Variants in NXPH1 observed in about 807,000 individuals in gnomAD.
NXPH1 encodes neurexophilin 1.
NXPH1 carries 5 observed loss-of-function variants against 23.7 expected under a neutral mutation model. The ratio of observed to expected loss-of-function variants is 0.21; its 90% confidence interval spans 0.11 to 0.44. NXPH1 has a LOEUF of 0.44. NXPH1 is among the 20% of genes least tolerant of loss of function. NXPH1 has a pLI of 0.99. For synonymous variants in NXPH1, 144 were observed against 122.2 expected, an observed-to-expected ratio of 1.18 and a Z score of -1.18; for missense variants, 324 against 321.6, an observed-to-expected ratio of 1.01 and a Z score of -0.06.
rs544184344 is a variant in NXPH1 at position 8,614,243 on chromosome 7, G to A, written c.55-136765G>A. 2.3e-3 allele frequency among the ~76,000 whole-genome samples: 343 copies of A among 151,862 alleles called. 1 individual carries two copies. The highest frequency in any genetic ancestry group is 4.3e-3 in the Non-Finnish European group (293 of 67,810). On this transcript the variant is annotated intron_variant, in intron 2 of 2. Transcript: ENST00000405863. ...AAAATATAATGGAATAGCTATACTT[G>A]TAGTTAAAACTGTTTTCTTATACGG... is the stretch of plus-strand genomic sequence containing the variant.
In NXPH1 at chr7:8,483,338, C is replaced by CT. The variant is rs1301688839; in HGVS notation, c.54+47579dup. The stretch of plus-strand genomic sequence containing the variant: ...CAAAACTAAAATTTTATTTTATTTT[C>CT]TTTTTTTTAAAAGACAGGGTATTGT... On this transcript the variant is annotated intron_variant, in intron 2 of 2. Transcript: ENST00000405863. Among the ~76,000 whole-genome samples the CT allele has an allele frequency of 2.6e-3, 401 of 151,698 alleles. 2 individuals are homozygous for CT. The highest frequency in any genetic ancestry group is 8.3e-3 in the African/African-American group (343 of 41,326).
In NXPH1 at chr7:8,626,862, G is replaced by A. The variant is rs942832726; in HGVS notation, c.55-124146G>A. Among the ~76,000 whole-genome samples the A allele has an allele frequency of 2.0e-5, 3 of 151,966 alleles. No homozygotes were observed. The East Asian group carries it at 5.8e-4, about 29-fold the overall frequency. On this transcript the variant is annotated intron_variant, in intron 2 of 2. Coordinates refer to ENST00000405863, the MANE Select transcript of NXPH1 (RefSeq NM_152745.3). ...TTGGGACACTTTTTCTGGGCACTCT[G>A]CCTACTTACCTTCTATTCTTCCTAT...
intron 2 of NXPH1, among the ~76,000 whole-genome samples, chr7:8,697,014 TG>T (rs1779537463): frequency 6.7e-6 from 1 of 150,288 alleles, no homozygotes; most frequent in Non-Finnish European, 1.5e-5. Context: ...AAAAATTAGC[TG>T]GGTGTGGTGG....
intron 2 of NXPH1, among the ~76,000 whole-genome samples, chr7:8,741,769 T>G (rs543619230): frequency 3.9e-4 from 60 of 152,164 alleles, no homozygotes; most frequent in African/African-American, 1.4e-3. Flanking sequence ...GTGCCATGTG[T>G]CCCCCTAAAA....
At chr7:8,713,783 C>T (rs1273435425) in intron 2 of NXPH1, among the ~76,000 whole-genome samples, 3 of 152,160 alleles carry the variant, frequency 2.0e-5, no homozygotes, top group Non-Finnish European at 2.9e-5. Context: ...GGCAGAGATT[C>T]GTGTTCTCTT....
intron 2 of NXPH1, among the ~76,000 whole-genome samples, chr7:8,723,564 G>C (rs1004623639): frequency 2.0e-5 from 3 of 152,144 alleles, no homozygotes; most frequent in African/African-American, 7.2e-5. Flanking sequence ...GCCTGTAGCA[G>C]TCACTTGTAT....
chr7:8,634,043 C>T (rs1372541882), intron 2 of NXPH1, among the ~76,000 whole-genome samples: 2 of 152,064 alleles, frequency 1.3e-5, no homozygotes, highest in Non-Finnish European at 2.9e-5. Flanking sequence ...AAAGTTGAGT[C>T]TGATGTGAGG....
intron 2 of NXPH1, among the ~76,000 whole-genome samples, chr7:8,496,892 AAGTTCT>A (rs1161415230): frequency 2.6e-5 from 4 of 152,122 alleles, no homozygotes; most frequent in African/African-American, 9.7e-5. Flanking sequence ...ATTATACTTT[AAGTTCT>A]AGGGTACATG....
At chr7:8,455,841 A>G (rs1816584949) in intron 2 of NXPH1, among the ~76,000 whole-genome samples, 1 of 152,238 alleles carries the variant, frequency 6.6e-6, no homozygotes, top group African/African-American at 2.4e-5. Context: ...TGGCATACTT[A>G]TAATTTGTTC....
chr7:8,722,428 A>G (rs1001722980), intron 2 of NXPH1, among the ~76,000 whole-genome samples: 13 of 152,142 alleles, frequency 8.5e-5, no homozygotes, highest in African/African-American at 2.2e-4. Context: ...TCTCATTTCA[A>G]TTCTCTCCTT....
intron 2 of NXPH1, among the ~76,000 whole-genome samples, chr7:8,457,623 G>C (rs1209255201): frequency 5.3e-5 from 8 of 149,858 alleles, no homozygotes; most frequent in Admixed American, 5.3e-4. Context: ...TGGTCCATTT[G>C]GTCTCATATA....
chr7:8,654,472 T>C (rs904908081), intron 2 of NXPH1, among the ~76,000 whole-genome samples: 6 of 152,166 alleles, frequency 3.9e-5, no homozygotes, highest in Non-Finnish European at 8.8e-5. Flanking sequence ...GAATATATAA[T>C]AAAAGTGCAT....
In NXPH1 at chr7:8,435,698, T is replaced by G; in HGVS notation, c.-16T>G. 1 of 1,613,654 alleles carries G rather than the reference T, an allele frequency of 6.2e-7. No individual in the cohort carries two copies. The highest frequency in any genetic ancestry group is 1.1e-5 in the South Asian group (1 of 91,060). ...CTCAAAGAAGGCACCGCCAAGGAAG[T>G]TTGAGACGCGGGAGAATGCAGGCTG... On this transcript the variant is annotated 5_prime_UTR_variant, in exon 2 of 3. Coordinates refer to ENST00000405863, the MANE Select transcript of NXPH1 (RefSeq NM_152745.3). This position sits in a 1 kb window ranked among gnomAD's most constrained non-coding sequence, Gnocchi z 5.9.
At chr7:8,484,921 G>A (rs1222803690) in intron 2 of NXPH1, among the ~76,000 whole-genome samples, 1 of 152,160 alleles carries the variant, frequency 6.6e-6, no homozygotes, top group Non-Finnish European at 1.5e-5. Context: ...AAATATACAA[G>A]TGAGGTAATT....
intron 2 of NXPH1, among the ~76,000 whole-genome samples, chr7:8,472,881 A>G (rs1050891484): frequency 6.6e-6 from 1 of 152,186 alleles, no homozygotes; most frequent in African/African-American, 2.4e-5. Flanking sequence ...TGGCATTCCT[A>G]CAGGCTTCTA....
intron 2 of NXPH1, among the ~76,000 whole-genome samples, chr7:8,651,199 C>T (rs1304717444): frequency 3.3e-5 from 4 of 121,546 alleles, no homozygotes; most frequent in Non-Finnish European, 5.3e-5. Context: ...TTCAATCCCA[C>T]CTATGAGTGA....
At chr7:8,749,283 C>A (rs1344762152) in intron 2 of NXPH1, among the ~76,000 whole-genome samples, 1 of 152,120 alleles carries the variant, frequency 6.6e-6, no homozygotes, top group Admixed American at 6.5e-5. Context: ...TATCATATTG[C>A]CTACATTTTA....
chr7:8,556,947 C>CGATGAGGT (rs1387586069), intron 2 of NXPH1, among the ~76,000 whole-genome samples: 1 of 151,630 alleles, frequency 6.6e-6, no homozygotes, highest in Non-Finnish European at 1.5e-5. Flanking sequence ...GAAACAGATA[C>CGATGAGGT]GATGAGGTAA....
intron 2 of NXPH1, among the ~76,000 whole-genome samples, chr7:8,627,036 T>C (rs1010738481): frequency 2.6e-5 from 4 of 152,154 alleles, no homozygotes; most frequent in African/African-American, 7.2e-5. Flanking sequence ...TATATTTCTG[T>C]TTATGTCTAT....
Sources: gnomAD v4.1 joint callset for allele counts (sites outside exome capture counted in the v4.1 genomes callset) on GRCh38, gnomAD v4.1.1 for gene constraint, Gnocchi (gnomAD v3.1) non-coding constraint, MANE v1.5 for transcripts, NCBI Gene and HGNC (gene_info 2026-07-23, HGNC 2026-07-21) for gene names.